Variants in PRKD1 observed in about 807,000 individuals in gnomAD.
The protein encoded by PRKD1 is serine/threonine-protein kinase D1.
In PRKD1, 63 loss-of-function variants were observed where a neutral mutation model predicts 95.9. The observed-to-expected ratio is 0.66, with a 90% CI of 0.54 to 0.81. The LOEUF (loss-of-function observed/expected upper bound fraction) is 0.81, where lower values mean the gene tolerates loss of function less well. PRKD1 is among the 30% of genes least tolerant of loss of function. The pLI, the probability that PRKD1 is intolerant of heterozygous loss-of-function variation, is 0.00. For synonymous variants in PRKD1, 425 were observed against 423.1 expected (o/e 1.00, Z -0.05); for missense variants, 1,048 against 1,165.3 (o/e 0.90, Z 1.47).
chr14:29,877,357 T>A (rs1218550129), intron 1 of PRKD1, among the ~76,000 whole-genome samples: 1 of 152,234 alleles, frequency 6.6e-6, no homozygotes, highest in African/African-American at 2.4e-5. Context: ...GTTTTTCTCA[T>A]ACATTTAAGT....
At chr14:29,852,550 G>C (rs1317141054) in intron 1 of PRKD1, among the ~76,000 whole-genome samples, 1 of 151,290 alleles carries the variant, frequency 6.6e-6, no homozygotes, top group Non-Finnish European at 1.5e-5. Context: ...GAGAGAGAGA[G>C]AGAGAAAGAG....
intron 1 of PRKD1, among the ~76,000 whole-genome samples, chr14:29,743,483 T>C (rs1327785047): frequency 6.6e-6 from 1 of 152,150 alleles, no homozygotes; most frequent in African/African-American, 2.4e-5. Flanking sequence ...AAAAAAATTT[T>C]GATGTCTCAC....
chr14:29,868,748 A>G (rs1296475292), intron 1 of PRKD1, among the ~76,000 whole-genome samples: 2 of 152,232 alleles, frequency 1.3e-5, no homozygotes, highest in African/African-American at 2.4e-5. Context: ...TAGCATATAA[A>G]TTCACATTCT....
chr14:29,681,771 A>G (rs193211700), intron 2 of PRKD1, among the ~76,000 whole-genome samples: 1 of 152,340 alleles, frequency 6.6e-6, no homozygotes, highest in Admixed American at 6.5e-5. Context: ...TCATAGTTAC[A>G]TTGTCCTGTG....
At chr14:29,648,735 A>C (rs1001317754) in intron 4 of PRKD1, among the ~76,000 whole-genome samples, 1 of 151,908 alleles carries the variant, frequency 6.6e-6, no homozygotes, top group African/African-American at 2.4e-5. Context: ...GCTCACTGCC[A>C]GCTCTGCCTC....
chr14:29,784,949 T>C (rs1047284116), intron 1 of PRKD1, among the ~76,000 whole-genome samples: 1 of 152,246 alleles, frequency 6.6e-6, no homozygotes, highest in African/African-American at 2.4e-5. Context: ...TTATAGAGGC[T>C]GCATACAAAC....
intron 1 of PRKD1, among the ~76,000 whole-genome samples, chr14:29,782,099 T>C (rs1009516939): frequency 3.3e-5 from 5 of 152,238 alleles, no homozygotes; most frequent in Non-Finnish European, 7.3e-5. Context: ...CAGTGTATCA[T>C]AATGCTCAGT....
chr14:29,864,937 G>C (rs1026341932), intron 1 of PRKD1, among the ~76,000 whole-genome samples: 1 of 152,078 alleles, frequency 6.6e-6, no homozygotes, highest in Admixed American at 6.6e-5. Context: ...ATTGTATCAG[G>C]TTTTCCCCCC....
At chr14:29,901,850 T>C (rs986605030) in intron 1 of PRKD1, among the ~76,000 whole-genome samples, 4 of 152,224 alleles carry the variant, frequency 2.6e-5, no homozygotes, top group Admixed American at 1.3e-4. Flanking sequence ...CCATCCCTGT[T>C]TAACAAGATT....
intron 1 of PRKD1, among the ~76,000 whole-genome samples, chr14:29,844,970 A>G (rs1892024206): frequency 6.6e-6 from 1 of 152,324 alleles, no homozygotes; most frequent in East Asian, 1.9e-4. Flanking sequence ...TCTGGCTACA[A>G]CATAACCTCC....
At chr14:29,648,653 G>C (rs964857696) in intron 4 of PRKD1, among the ~76,000 whole-genome samples, 6 of 152,030 alleles carry the variant, frequency 3.9e-5, no homozygotes, top group Admixed American at 2.6e-4. Flanking sequence ...TATAAAACTG[G>C]CTGGGGCTTC....
At chr14:29,817,836 T>C (rs1423242668) in intron 1 of PRKD1, among the ~76,000 whole-genome samples, 1 of 152,178 alleles carries the variant, frequency 6.6e-6, no homozygotes, top group East Asian at 1.9e-4. Context: ...AACATTGTGA[T>C]TACAAAGGAA....
chr14:29,594,157 ATCAAG>A, intron 16 of PRKD1: 1 of 453,940 alleles, frequency 2.2e-6, no homozygotes, highest in Non-Finnish European at 4.4e-6. Context: ...ATTATATTGT[ATCAAG>A]TCAACATCTA....
chr14:29,636,155 C>T, intron 7 of PRKD1, 135 bp downstream of exon 7: 1 of 1,054,884 alleles, frequency 9.5e-7, no homozygotes, highest in Non-Finnish European at 1.4e-6. Context: ...TCATTTACAG[C>T]ACGCAGTTCA....
At chr14:29,750,235 T>C (rs944931427) in intron 1 of PRKD1, among the ~76,000 whole-genome samples, 1 of 152,190 alleles carries the variant, frequency 6.6e-6, no homozygotes, top group Non-Finnish European at 1.5e-5. Context: ...AGCTCCAAAT[T>C]ATATACAGTA....
intron 1 of PRKD1, among the ~76,000 whole-genome samples, chr14:29,839,924 C>T (rs1289405835): frequency 2.0e-5 from 3 of 152,030 alleles, no homozygotes; most frequent in Non-Finnish European, 4.4e-5. Context: ...CCATTTTTTC[C>T]TCCTGGGCCT....
chr14:29,881,673 G>T (rs1253756057), intron 1 of PRKD1, among the ~76,000 whole-genome samples: 1 of 152,012 alleles, frequency 6.6e-6, no homozygotes, highest in African/African-American at 2.4e-5. Flanking sequence ...GTTCCAGTTT[G>T]GGGACCTCTC....
At chr14:29,716,289 G>C (rs1359190150) in intron 2 of PRKD1, among the ~76,000 whole-genome samples, 1 of 152,180 alleles carries the variant, frequency 6.6e-6, no homozygotes, top group Non-Finnish European at 1.5e-5. Context: ...TCTGTGTGAA[G>C]AGAGAAGCTT....
intron 17 of PRKD1, 37 bp downstream of exon 17, chr14:29,578,238 C>T: frequency 1.4e-6 from 2 of 1,398,178 alleles, no homozygotes; most frequent in Non-Finnish European, 2.0e-6. Context: ...TATTTAGAAG[C>T]TCATTCAACT....
Sources: allele counts gnomAD v4.1 joint callset (sites outside exome capture counted in the v4.1 genomes callset), GRCh38; gene constraint gnomAD v4.1.1; transcripts MANE v1.5; gene names NCBI Gene and HGNC (gene_info 2026-07-23, HGNC 2026-07-21).